RGL3: variants seen among roughly 807,000 people sequenced by gnomAD.
RGL3 encodes the protein ral guanine nucleotide dissociation stimulator-like 3.
Under a neutral mutation model 90.6 loss-of-function variants are expected in RGL3, and 85 were observed. The observed-to-expected ratio is 0.94, with a 90% confidence interval of 0.79 to 1.12. RGL3 has a LOEUF of 1.12. Among genes scored for constraint, RGL3 ranks in the 50% most tolerant of loss-of-function variants. The probability of loss-of-function intolerance (pLI) is 0.00; values close to 1 mark genes in which losing one functional copy is unlikely to be tolerated. For missense variants in RGL3, 1,034 were observed against 939.2 expected, an observed-to-expected ratio of 1.10 and a Z score of -1.32; for synonymous variants, 408 against 385.5, an observed-to-expected ratio of 1.06 and a Z score of -0.68.
chr19:11,414,948 G>A (rs1182471886), intron 5 of RGL3, among the ~76,000 whole-genome samples: 2 of 151,758 alleles, frequency 1.3e-5, no homozygotes, highest in Non-Finnish European at 2.9e-5. Flanking sequence ...ACCAGCCTGG[G>A]CAACATGGCA....
At chr19:11,397,121 C>T in intron 18 of RGL3, 123 bp downstream of exon 18, 2 of 740,292 alleles carry the variant, frequency 2.7e-6, no homozygotes, top group South Asian at 3.4e-5. Flanking sequence ...TACCCCTACT[C>T]TCTGCCTGAA....
chr19:11,414,492 T>TATATATATATATATATATACACCTAC (rs1968950896), intron 5 of RGL3, among the ~76,000 whole-genome samples: 1 of 13,588 alleles, frequency 7.4e-5, no homozygotes, highest in African/African-American at 3.3e-4. Context: ...TACACCTTCA[T>TATATATATATATATATATACACCTAC]ATATATATAT....
At chr19:11,399,018 C>T (rs776628991) in intron 16 of RGL3, among the ~76,000 whole-genome samples, 2 of 151,982 alleles carry the variant, frequency 1.3e-5, no homozygotes, top group African/African-American at 4.8e-5. Context: ...GCTAGAGTGC[C>T]GTGGCATGAT....
chr19:11,415,127 C>G (rs559232311), intron 5 of RGL3, among the ~76,000 whole-genome samples: 1 of 144,724 alleles, frequency 6.9e-6, no homozygotes, highest in South Asian at 2.2e-4. Flanking sequence ...GAGACTCTGT[C>G]TAAAAAAAAA....
intron 7 of RGL3, among the ~76,000 whole-genome samples, 167 bp from the exon 8 acceptor site, chr19:11,405,593 C>T (rs1435847542): frequency 7.8e-6 from 1 of 127,432 alleles, no homozygotes; most frequent in Non-Finnish European, 1.6e-5. Context: ...TCATAGCTCA[C>T]TTGCTGCCTG....
At chr19:11,399,602 C>A (rs1968635710) in intron 16 of RGL3, among the ~76,000 whole-genome samples, 1 of 152,016 alleles carries the variant, frequency 6.6e-6, no homozygotes, top group Admixed American at 6.6e-5. Flanking sequence ...TGATTGCACC[C>A]TAGATGACCC....
chr19:11,414,279 T>TTA (rs1336547216), intron 5 of RGL3, among the ~76,000 whole-genome samples: 5 of 83,676 alleles, frequency 6.0e-5, no homozygotes, highest in Non-Finnish European at 8.9e-5. Flanking sequence ...ATATATACCT[T>TTA]TATATATATA....
At chr19:11,418,516 C>A (rs111616139) in intron 2 of RGL3, 155 bp downstream of exon 2, 1 of 613,486 alleles carries the variant, frequency 1.6e-6, no homozygotes, top group African/African-American at 1.9e-5. Context: ...CCTGGCCGCC[C>A]CCAGTCCCCT....
chr19:11,415,903 T>C, intron 5 of RGL3, 34 bp downstream of exon 5: 1 of 1,569,624 alleles, frequency 6.4e-7, no homozygotes, highest in African/African-American at 1.4e-5. Context: ...GGAAAGGCCT[T>C]CTCAGAACAC....
At chr19:11,419,100 C>T (rs1006351562) in intron 1 of RGL3, 146 bp downstream of exon 1, 66 of 862,476 alleles carry the variant, frequency 7.7e-5, no homozygotes, top group Non-Finnish European at 7.8e-5. Flanking sequence ...AGTCGCTTCA[C>T]TGGGTCAAGG....
rs1568338165 is a variant in RGL3 at position 11,405,332 on chromosome 19, G to GC, written c.1090dup (p.Ala364GlyfsTer20). The GC allele has an allele frequency of 5.6e-6, 9 of 1,613,026 alleles. No individual in the cohort carries two copies. The highest frequency in any genetic ancestry group is 1.3e-5 in the African/African-American group (1 of 74,842). ...TCCCGCCCCAGCTCACCGGCTCACT[G>GC]CCCCCCAGCTGCGCTTGAGCCGGTA... On this transcript the variant is annotated frameshift_variant, in exon 8 of 19. Transcript: ENST00000380456. LOFTEE classifies it high-confidence loss of function.
In RGL3 at chr19:11,406,864, C is replaced by T; in HGVS notation, c.638G>A (p.Gly213Glu). 2 of 1,605,086 alleles carry T rather than the reference C, an allele frequency of 1.2e-6. No homozygotes were observed. The highest frequency in any genetic ancestry group is 1.7e-6 in the Non-Finnish European group (2 of 1,174,012). The change falls in exon 6 of 19, where the codon GGA becomes GAA. Residue 213 changes from glycine (G) to glutamate (E), a missense_variant and splice_region_variant. Coordinates refer to ENST00000380456, the MANE Select transcript of RGL3 (RefSeq NM_001035223.4). ...QEEEPPQVWT[G>E]PPRVAQTSDP... ...AGAAGTTTGGGCAACTCTGGGAGGT[C>T]CTGATCATTAGAAAGGGTTACAAAC...
rs1283426274 is a variant in RGL3, at chr19:11,400,118, G to C, written c.1581-10C>G. On this transcript the variant is annotated splice_polypyrimidine_tract_variant and intron_variant, in intron 14 of 18. Transcript: ENST00000380456. ...CTCTCGGGCAAGCTTCCTAAGGATG[G>C]GGACAGGGGATGAGGCTAAGGCAGG... 25 of 1,605,662 alleles carry C rather than the reference G, an allele frequency of 1.6e-5. No homozygotes were observed. Among genetic ancestry groups the C allele is most frequent in the Non-Finnish European group, 2.1e-5 (25 of 1,176,150 alleles).
At chr19:11,401,973 A>C in intron 13 of RGL3, 38 bp downstream of exon 13, 2 of 1,509,526 alleles carry the variant, frequency 1.3e-6, no homozygotes, top group Non-Finnish European at 1.8e-6. Flanking sequence ...ACCCAGGCTC[A>C]GCTGGGGTGG....
Position 11,397,315 on chromosome 19 carries a change from A to G in RGL3, c.1943T>C (p.Leu648Ser), listed in dbSNP as rs199622398. Residue 648 changes from leucine to serine, a missense_variant, in exon 18 of 19, where the codon TTG becomes TCG. Transcript: ENST00000380456. ...GGGCTGGGGCACATTGTGCTTCTGC[A>G]AGGCTCGCCGGACCACGCTGGGGGC... is the stretch of plus-strand genomic sequence containing the variant. Reference protein sequence around the residue: ...DKAPSVVRRALQKHNVPQPWA... With the variant: ...DKAPSVVRRASQKHNVPQPWA... 1 of 1,611,222 alleles carries G rather than the reference A, an allele frequency of 6.2e-7. No homozygotes were observed. Among genetic ancestry groups the G allele is most frequent in the East Asian group, 2.2e-5 (1 of 44,868 alleles).
rs1319420623 is a variant in RGL3 at position 11,402,043 on chromosome 19, C to G, written c.1452G>C (p.Leu484=). The part of the protein sequence containing the change: ...LSPHPPILAA[L]HAQNQLTEEQ... ...CCTCGGTGAGCTGGTTCTGGGCATGCAGGGCAGCCAGGATGGGCGGGTGGG... is the reference window on the plus strand; with the variant it reads ...CCTCGGTGAGCTGGTTCTGGGCATGGAGGGCAGCCAGGATGGGCGGGTGGG... Residue 484 remains leucine (L), a synonymous_variant, in exon 13 of 19, where the codon CTG becomes CTC. Transcript: ENST00000380456. 1.3e-6 allele frequency: 2 copies of G among 1,564,950 alleles called. No individual in the cohort carries two copies. Among genetic ancestry groups the G allele is most frequent in the Non-Finnish European group, 1.7e-6 (2 of 1,155,338 alleles).
intron 1 of RGL3, 145 bp downstream of exon 1, chr19:11,419,101 T>G (rs1184541095): frequency 2.3e-6 from 2 of 861,172 alleles, no homozygotes; most frequent in African/African-American, 1.8e-5. Flanking sequence ...GTCGCTTCAC[T>G]GGGTCAAGGG....
chr19:11,418,716 C>G lies in RGL3; in HGVS notation c.102G>C (p.Gln34His), dbSNP rs1216629831. Residue 34 changes from glutamine (Q) to histidine (H), a missense_variant, in exon 2 of 19, where the codon CAG (glutamine) becomes CAC (histidine). Physicochemically the swap from Gln to His is conservative, Grantham distance 24. Transcript: ENST00000380456. ...GAVYSVSLRRQRSQRRSPAEG... is the reference protein window; with the variant it reads ...GAVYSVSLRRHRSQRRSPAEG... The stretch of plus-strand genomic sequence containing the variant: ...CCGCCGGGCTCCTGCGCTGACTGCG[C>G]TGCCGCCGCAGGGAGACACTGTACA... 6.3e-7 allele frequency: 1 copy of G among 1,575,248 alleles called. No homozygotes were observed. The highest frequency in any genetic ancestry group is 1.8e-5 in the Admixed American group (1 of 55,290).
intron 3 of RGL3, 51 bp downstream of exon 3, chr19:11,416,785 C>A: frequency 6.2e-7 from 1 of 1,604,736 alleles, no homozygotes; most frequent in Non-Finnish European, 8.5e-7. Context: ...AGGGGGGTGC[C>A]CAGTTGGGGT....
Sources: gnomAD v4.1 joint callset for allele counts (sites outside exome capture counted in the v4.1 genomes callset) on GRCh38, gnomAD v4.1.1 for gene constraint, MANE v1.5 for transcripts, NCBI Gene and HGNC (gene_info 2026-07-23, HGNC 2026-07-21) for gene names.